The following FNIP1 variants were observed in gnomAD, a reference collection of about 807,000 sequenced individuals.
FNIP1 encodes folliculin-interacting protein 1.
FNIP1 carries 40 observed loss-of-function variants against 124.5 expected under a neutral mutation model. That is an observed-to-expected ratio of 0.32 (90% CI 0.25 to 0.42). The LOEUF (loss-of-function observed/expected upper bound fraction) is 0.42, where lower values mean the gene tolerates loss of function less well. FNIP1 is among the 10% of genes least tolerant of loss of function. FNIP1 has a pLI of 1.00. For missense variants in FNIP1, 1,176 were observed against 1,403.7 expected, an observed-to-expected ratio of 0.84 and a Z score of 2.59; for synonymous variants, 472 against 470.6, an observed-to-expected ratio of 1.00 and a Z score of -0.04.
chr5:131,677,539 C>A, intron 13 of FNIP1, 164 bp downstream of exon 13: 1 of 603,582 alleles, frequency 1.7e-6, no homozygotes, highest in South Asian at 2.7e-5. Context: ...AGGTCTAAGA[C>A]GAGGATAAGA....
chr5:131,742,014 T>G (rs1770528240), intron 2 of FNIP1, among the ~76,000 whole-genome samples: 1 of 152,182 alleles, frequency 6.6e-6, no homozygotes, highest in African/African-American at 2.4e-5. Flanking sequence ...AGATGGACGC[T>G]GCTTCCAAAT....
At chr5:131,767,523 A>G (rs185833687) in intron 1 of FNIP1, among the ~76,000 whole-genome samples, 2 of 151,520 alleles carry the variant, frequency 1.3e-5, no homozygotes, top group Non-Finnish European at 2.9e-5. Context: ...CAGTTTCTAT[A>G]TAATTCAATT....
intron 1 of FNIP1, among the ~76,000 whole-genome samples, chr5:131,777,205 AGAAAT>A (rs1468944775): frequency 6.6e-6 from 1 of 152,108 alleles, no homozygotes; most frequent in African/African-American, 2.4e-5. Context: ...TCAACATAAA[AGAAAT>A]ATTTTAAAAA....
intron 1 of FNIP1, among the ~76,000 whole-genome samples, chr5:131,778,709 C>T (rs1171645476): frequency 9.1e-5 from 8 of 87,788 alleles, no homozygotes; most frequent in East Asian, 2.7e-4. Flanking sequence ...ATGTTTATTG[C>T]GGCATTATTC....
chr5:131,668,290 A>G (rs1767658344), intron 15 of FNIP1, among the ~76,000 whole-genome samples: 1 of 152,284 alleles, frequency 6.6e-6, no homozygotes, highest in African/African-American at 2.4e-5. Flanking sequence ...ATATTTGTAA[A>G]TTAAACAGCA....
At chr5:131,722,105 G>A (rs890398206) in intron 3 of FNIP1, among the ~76,000 whole-genome samples, 1 of 152,168 alleles carries the variant, frequency 6.6e-6, no homozygotes, top group Non-Finnish European at 1.5e-5. Context: ...CAGTGTTATG[G>A]TTGAAGTAGC....
At chr5:131,734,242 G>T (rs1770205736) in intron 2 of FNIP1, among the ~76,000 whole-genome samples, 1 of 152,042 alleles carries the variant, frequency 6.6e-6, no homozygotes, top group African/African-American at 2.4e-5. Context: ...CGTGCTAGCG[G>T]TTTATCAATT....
chr5:131,785,301 T>A lies in FNIP1; in HGVS notation c.92+11529A>T, dbSNP rs144934836. On this transcript the variant is annotated intron_variant, in intron 1 of 17. Transcript: ENST00000510461. ...CGGGCACAGTGGCTCACGCCTGTAA[T>A]CCCAGCACTCTGGGAGGTTGAGGCA... 1.3e-4 allele frequency among the ~76,000 whole-genome samples: 20 copies of A among 151,770 alleles called. No homozygotes were observed. The East Asian group carries it at 3.9e-3, about 29-fold the overall frequency.
At chr5:131,704,666 TA>T (rs1769019924) in intron 9 of FNIP1, among the ~76,000 whole-genome samples, 4 of 151,932 alleles carry the variant, frequency 2.6e-5, no homozygotes, top group African/African-American at 7.3e-5. Context: ...ATAAAGGAAA[TA>T]AAAAAGAGGA....
intron 13 of FNIP1, among the ~76,000 whole-genome samples, chr5:131,676,292 C>T (rs573516425): frequency 2.6e-5 from 4 of 152,194 alleles, no homozygotes; most frequent in East Asian, 1.9e-4. Context: ...AGATTACAGG[C>T]GTGAGCCACT....
At chr5:131,775,628 A>G (rs191207741) in intron 1 of FNIP1, among the ~76,000 whole-genome samples, 1 of 151,544 alleles carries the variant, frequency 6.6e-6, no homozygotes, top group African/African-American at 2.4e-5. Flanking sequence ...CCCGGGTTCA[A>G]GCAATTCTCC....
At chr5:131,725,753 G>A (rs761952926) in intron 3 of FNIP1, among the ~76,000 whole-genome samples, 2 of 152,172 alleles carry the variant, frequency 1.3e-5, no homozygotes, top group Non-Finnish European at 2.9e-5. Context: ...AGTGGTGAGA[G>A]AGGATATCCT....
chr5:131,691,079 C>A (rs537762267), intron 11 of FNIP1, among the ~76,000 whole-genome samples: 2 of 152,258 alleles, frequency 1.3e-5, no homozygotes, highest in Admixed American at 1.3e-4. Context: ...TGACAGGGAA[C>A]ATTTGCCAAA....
intron 1 of FNIP1, among the ~76,000 whole-genome samples, chr5:131,791,289 T>G (rs564941300): frequency 7.4e-4 from 112 of 152,182 alleles, no homozygotes; most frequent in Non-Finnish European, 1.4e-3. Flanking sequence ...AATAATGAAT[T>G]CAGGCAATGA....
chr5:131,721,396 T>A (rs916095330), intron 3 of FNIP1, among the ~76,000 whole-genome samples: 1 of 152,234 alleles, frequency 6.6e-6, no homozygotes, highest in African/African-American at 2.4e-5. Context: ...GCAATTTGAA[T>A]AAGCTCTAGA....
intron 1 of FNIP1, among the ~76,000 whole-genome samples, chr5:131,769,539 A>G (rs1771555344): frequency 6.6e-6 from 1 of 152,236 alleles, no homozygotes; most frequent in Admixed American, 6.5e-5. Flanking sequence ...AATAACAGCA[A>G]TGAACCATAT....
At chr5:131,706,664 A>C in intron 8 of FNIP1, 118 bp from the exon 9 acceptor site, 1 of 1,042,538 alleles carries the variant, frequency 9.6e-7, no homozygotes, top group South Asian at 2.4e-5. Flanking sequence ...CATGAGCCTC[A>C]AAAATGTTCA....
intron 1 of FNIP1, among the ~76,000 whole-genome samples, chr5:131,778,298 T>G (rs1465633672): frequency 2.0e-5 from 3 of 152,040 alleles, no homozygotes; most frequent in Non-Finnish European, 2.9e-5. Flanking sequence ...TAGATCTAAC[T>G]CTCAATTTAA....
intron 11 of FNIP1, among the ~76,000 whole-genome samples, chr5:131,680,280 A>G (rs1188377542): frequency 6.6e-6 from 1 of 152,232 alleles, no homozygotes; most frequent in East Asian, 1.9e-4. Context: ...GCCAAAAAAG[A>G]GAAGAATTAT....
Sources: gnomAD v4.1 joint callset for allele counts (sites outside exome capture counted in the v4.1 genomes callset) on GRCh38, gnomAD v4.1.1 for gene constraint, MANE v1.5 for transcripts, NCBI Gene and HGNC (gene_info 2026-07-23, HGNC 2026-07-21) for gene names.